PTPRN2: variants seen among roughly 807,000 people sequenced by gnomAD.
PTPRN2 encodes protein tyrosine phosphatase receptor type N2.
In PTPRN2, 74 loss-of-function variants were observed where a neutral mutation model predicts 118.8. The observed-to-expected ratio is 0.62, with a 90% CI of 0.52 to 0.76. PTPRN2 has a LOEUF of 0.76. Among genes scored for constraint, PTPRN2 ranks in the 30% least tolerant of loss-of-function variants. PTPRN2 has a pLI of 0.00. For missense variants in PTPRN2, 1,481 were observed against 1,394.4 expected (o/e 1.06, Z -0.99); for synonymous variants, 641 against 608.0 (o/e 1.05, Z -0.80).
chr7:157,553,975 C>T (rs1464624608), intron 21 of PTPRN2, among the ~76,000 whole-genome samples: 10 of 134,288 alleles, frequency 7.4e-5, no homozygotes, highest in Non-Finnish European at 4.9e-5. Flanking sequence ...CCAGGCCGGG[C>T]GCCGGATCCT....
At chr7:157,898,098 G>T (rs1170847481) in intron 12 of PTPRN2, among the ~76,000 whole-genome samples, 4 of 151,970 alleles carry the variant, frequency 2.6e-5, no homozygotes, top group African/African-American at 9.7e-5. Context: ...TACCAGCATG[G>T]TAAGGTTTGG....
In PTPRN2 at chr7:157,940,793, TC is replaced by T. The variant is rs1278090532; in HGVS notation, c.1724-42057del. Among the ~76,000 whole-genome samples the T allele has an allele frequency of 2.6e-3, 157 of 60,884 alleles. 25 individuals are homozygous for T. The highest frequency in any genetic ancestry group is 9.5e-3 in the East Asian group (12 of 1,266). 39.9% of individuals were successfully genotyped at this position (60,884 alleles called of 152,430 possible). A position where few individuals can be genotyped will look rare whatever the true frequency, so the allele number is the denominator to read the frequency against. ...CCATGACACTGCAAATCAAACACCC[TC>T]CCCCATGACACTGCAAATCTAATGC... On this transcript the variant is annotated intron_variant, in intron 11 of 22. Transcript: ENST00000389418.
rs182613354 is a variant in PTPRN2 at position 158,565,774 on chromosome 7, G to T, written c.112+21784C>A. On this transcript the variant is annotated intron_variant, in intron 1 of 22. Coordinates refer to ENST00000389418, the MANE Select transcript of PTPRN2 (RefSeq NM_002847.5). The surrounding 1 kb of genome is among the most constrained non-coding windows in gnomAD (Gnocchi z 4.6). ...GCAGGCACTGTTCCCGTAGTTACCC[G>T]CACGTCTAGAGACTGTCCCACATCT... Among the ~76,000 whole-genome samples, 974 of 152,178 alleles carry T rather than the reference G, an allele frequency of 6.4e-3. 7 individuals carry two copies. The highest frequency in any genetic ancestry group is 0.022 in the African/African-American group (930 of 41,504).
intron 11 of PTPRN2, among the ~76,000 whole-genome samples, chr7:157,927,266 G>A (rs1329009725): frequency 2.0e-5 from 1 of 50,274 alleles, no homozygotes; most frequent in African/African-American, 8.6e-5. Context: ...GGACCCCAAA[G>A]ATAGGAAGCC....
intron 21 of PTPRN2, among the ~76,000 whole-genome samples, chr7:157,559,221 G>A (rs1799057378): frequency 6.6e-6 from 1 of 152,232 alleles, no homozygotes. Flanking sequence ...CAGGCTGCAT[G>A]TGCCTGGACT....
Position 157,671,020 on chromosome 7 carries a change from C to T in PTPRN2, c.2001+11705G>A, listed in dbSNP as rs1796383412. ...TCACCCGCATCTTCAGCCTGCAGCGCGTAGGGAGGACTCCCCATGGGCGGG... is the reference window on the plus strand; with the variant it reads ...TCACCCGCATCTTCAGCCTGCAGCGTGTAGGGAGGACTCCCCATGGGCGGG... On this transcript the variant is annotated intron_variant, in intron 13 of 22. Transcript: ENST00000389418. The surrounding 1 kb of genome is among the most constrained non-coding windows in gnomAD (Gnocchi z 4.1). Among the ~76,000 whole-genome samples the T allele has an allele frequency of 6.6e-6, 1 of 152,164 alleles. No individual in the cohort carries two copies.
rs951659508 is a variant in PTPRN2, at chr7:158,570,531, C to G, written c.112+17027G>C. On this transcript the variant is annotated intron_variant, in intron 1 of 22. Coordinates refer to ENST00000389418, the MANE Select transcript of PTPRN2 (RefSeq NM_002847.5). The surrounding 1 kb of genome is among the most constrained non-coding windows in gnomAD (Gnocchi z 4.5). ...GCGTCTCCCCGTGGTGGGTCCCGAT[C>G]CCCCGGCCGGCTCTGCCACTGAAGC... Among the ~76,000 whole-genome samples the G allele has an allele frequency of 6.6e-6, 1 of 152,100 alleles. No homozygotes were observed. The highest frequency in any genetic ancestry group is 2.4e-5 in the African/African-American group (1 of 41,434).
chr7:158,557,348 A>AGGTCAGG (rs1827107174), intron 1 of PTPRN2, among the ~76,000 whole-genome samples: 7 of 93,700 alleles, frequency 7.5e-5, no homozygotes, highest in Non-Finnish European at 1.4e-4. Context: ...CGCAGGTCAG[A>AGGTCAGG]CGGCTCCCAC....
chr7:157,819,169 C>G (rs1806632853), intron 12 of PTPRN2, among the ~76,000 whole-genome samples: 1 of 152,170 alleles, frequency 6.6e-6, no homozygotes, highest in Admixed American at 6.5e-5. Flanking sequence ...CCTGGGCAGC[C>G]CCCTTCGGAA....
chr7:157,787,287 G>A lies in PTPRN2; in HGVS notation c.1789-104350C>T, dbSNP rs556818300. Among the ~76,000 whole-genome samples the A allele has an allele frequency of 3.2e-4, 49 of 152,188 alleles. No homozygotes were observed. The highest frequency in any genetic ancestry group is 6.2e-4 in the Non-Finnish European group (42 of 68,026). ...ATGCCCACAACCCCTCTGGGGTGTC[G>A]GGGATCAGGTGAGCAAGGGGGCTCA... is the stretch of plus-strand genomic sequence containing the variant. On this transcript the variant is annotated intron_variant, in intron 12 of 22. Coordinates refer to ENST00000389418, the MANE Select transcript of PTPRN2 (RefSeq NM_002847.5). This position sits in a 1 kb window ranked among gnomAD's most constrained non-coding sequence, Gnocchi z 5.3.
chr7:158,176,839 G>A (rs945056940), intron 5 of PTPRN2, among the ~76,000 whole-genome samples: 2 of 152,260 alleles, frequency 1.3e-5, no homozygotes, highest in African/African-American at 2.4e-5. Context: ...CATCGTGAAT[G>A]TGGCATCCAA....
At chr7:157,968,817 G>GA (rs1188790863) in intron 11 of PTPRN2, among the ~76,000 whole-genome samples, 3 of 152,066 alleles carry the variant, frequency 2.0e-5, no homozygotes, top group African/African-American at 7.2e-5. Context: ...AAGAGTGAGA[G>GA]AAAAAAATCC....
intron 2 of PTPRN2, among the ~76,000 whole-genome samples, chr7:158,363,191 G>A (rs1172307835): frequency 1.3e-5 from 2 of 152,142 alleles, no homozygotes; most frequent in African/African-American, 4.8e-5. Flanking sequence ...GGCAAGGGGA[G>A]GACACTAGGG....
intron 2 of PTPRN2, among the ~76,000 whole-genome samples, chr7:158,387,575 T>TGAAGCACTCTCTGGGA (rs61116708): frequency 6.6e-6 from 1 of 150,834 alleles, no homozygotes; most frequent in Non-Finnish European, 1.5e-5. Context: ...CCCTGTCAGC[T>TGAAGCACTCTCTGGGA]CAGCTTGGCC....
At chr7:158,285,000 A>G (rs1353053191) in intron 3 of PTPRN2, among the ~76,000 whole-genome samples, 1 of 152,196 alleles carries the variant, frequency 6.6e-6, no homozygotes, top group Admixed American at 6.5e-5. Flanking sequence ...ACTGGGTACA[A>G]AAAGGATGAC....
rs562245191 is a variant in PTPRN2 at position 157,881,017 on chromosome 7, C to T, written c.1788+17656G>A. On this transcript the variant is annotated intron_variant, in intron 12 of 22. Coordinates refer to ENST00000389418, the MANE Select transcript of PTPRN2 (RefSeq NM_002847.5). This position sits in a 1 kb window ranked among gnomAD's most constrained non-coding sequence, Gnocchi z 4.7. The stretch of plus-strand genomic sequence containing the variant: ...TGGGAAGCTCTAATCCCAGAACTTC[C>T]GAATGTGACTGTATGTGGAGATGGA... 3.3e-5 allele frequency among the ~76,000 whole-genome samples: 5 copies of T among 152,090 alleles called. No individual in the cohort carries two copies. The highest frequency in any genetic ancestry group is 1.9e-4 in the East Asian group (1 of 5,182).
intron 11 of PTPRN2, among the ~76,000 whole-genome samples, chr7:158,068,911 G>A (rs1810993030): frequency 6.6e-6 from 1 of 152,198 alleles, no homozygotes; most frequent in Non-Finnish European, 1.5e-5. Context: ...AGGTCTAATT[G>A]TACATCCACC....
At chr7:158,387,580 T>TGAAGCACACTC (rs1272056517) in intron 2 of PTPRN2, among the ~76,000 whole-genome samples, 1 of 7,004 alleles carries the variant, frequency 1.4e-4, no homozygotes, top group Non-Finnish European at 3.1e-4. Context: ...TCAGCTCAGC[T>TGAAGCACACTC]TGGCCCGGCC....
chr7:158,468,989 GCA>G (rs1819620017), intron 2 of PTPRN2, among the ~76,000 whole-genome samples: 1 of 111,366 alleles, frequency 9.0e-6, no homozygotes, highest in East Asian at 2.8e-4. Context: ...GCACACCCAT[GCA>G]CACTCCCGGT....
Sources: allele counts gnomAD v4.1 joint callset (sites outside exome capture counted in the v4.1 genomes callset), GRCh38; gene constraint gnomAD v4.1.1; non-coding constraint Gnocchi (gnomAD v3.1); transcripts MANE v1.5; gene names NCBI Gene and HGNC (gene_info 2026-07-23, HGNC 2026-07-21).